CEBPG: variants seen among roughly 807,000 people sequenced by gnomAD.
CEBPG encodes CCAAT/enhancer-binding protein gamma.
In CEBPG, 6 loss-of-function variants were observed where a neutral mutation model predicts 11.1. The observed-to-expected ratio is 0.54, with a 90% confidence interval of 0.30 to 1.07. The LOEUF (loss-of-function observed/expected upper bound fraction) is 1.07. Among genes scored for constraint, CEBPG ranks in the 50% least tolerant of loss-of-function variants. CEBPG has a pLI of 0.07. For missense variants in CEBPG, 161 were observed against 187.4 expected (o/e 0.86, Z 0.82); for synonymous variants, 66 against 71.0 (o/e 0.93, Z 0.36).
In CEBPG at chr19:33,379,316, G is replaced by A; in HGVS notation, c.77G>A (p.Ser26Asn). 6.2e-7 allele frequency: 1 copy of A among 1,611,854 alleles called. No homozygotes were observed. The highest frequency in any genetic ancestry group is 1.7e-4 in the Middle Eastern group (1 of 6,040). Residue 26 changes from serine to asparagine, a missense_variant, in exon 2 of 2, where the codon AGC becomes AAC. Ser to Asn is a conservative substitution (Grantham distance 46). Coordinates refer to ENST00000284000, the MANE Select transcript of CEBPG (RefSeq NM_001806.4). ...GTTATCCATACCCAGGCACATGCCA[G>A]CGGCTTACAGCAGGTTCCTCAGCTG... ...ISVIHTQAHASGLQQVPQLVP... is the reference protein window; with the variant it reads ...ISVIHTQAHANGLQQVPQLVP...
At chr19:33,374,086 G>A (rs1042263159) in intron 1 of CEBPG, among the ~76,000 whole-genome samples, 191 bp downstream of exon 1, 1 of 150,058 alleles carries the variant, frequency 6.7e-6, no homozygotes, top group Non-Finnish European at 1.5e-5. Context: ...CAACCTGCCG[G>A]CAACACCCGG....
Position 33,379,710 on chromosome 19 carries a change from C to CT in CEBPG, c.*21dup, listed in dbSNP as rs764944594. On this transcript the variant is annotated 3_prime_UTR_variant, in exon 2 of 2. Transcript: ENST00000284000. The stretch of plus-strand genomic sequence containing the variant: ...GACAGTAGACCTCACCCTTTCCAGA[C>CT]TTTAGAGCTTGTGGCTTGAATGTTA... The CT allele has an allele frequency of 1.7e-5, 27 of 1,582,326 alleles. No individual in the cohort carries two copies. In the African/African-American group the frequency reaches 3.4e-4, roughly 20 times the overall value.
At chr19:33,376,573 C>T (rs891992820) in intron 1 of CEBPG, among the ~76,000 whole-genome samples, 2 of 152,170 alleles carry the variant, frequency 1.3e-5, no homozygotes, top group African/African-American at 4.8e-5. Flanking sequence ...CTAAAGAGTT[C>T]CTGGATGATG....
At chr19:33,377,468 G>C (rs1256502011) in intron 1 of CEBPG, among the ~76,000 whole-genome samples, 1 of 152,120 alleles carries the variant, frequency 6.6e-6, no homozygotes, top group Non-Finnish European at 1.5e-5. Context: ...GAAATAAGGT[G>C]AACATGATTA....
rs1189600224 is a variant in CEBPG at position 33,380,777 on chromosome 19, T to C, written c.*1085T>C. 6.0e-6 allele frequency: 1 copy of C among 166,876 alleles called. No individual in the cohort carries two copies. The highest frequency in any genetic ancestry group is 1.5e-5 in the Non-Finnish European group (1 of 68,122). 10.3% of individuals were successfully genotyped at this position (166,876 alleles called of 1,614,324 possible). A position where few individuals can be genotyped will look rare whatever the true frequency, so the allele number is the denominator to read the frequency against. On this transcript the variant is annotated 3_prime_UTR_variant, in exon 2 of 2. Coordinates refer to ENST00000284000, the MANE Select transcript of CEBPG (RefSeq NM_001806.4). The stretch of plus-strand genomic sequence containing the variant: ...ATAATTGTCTAAGAAAACTTGAAAG[T>C]GTAAGGTTTTAACCTTTAATTTATT...
Position 33,381,159 on chromosome 19 carries a change from T to A in CEBPG, c.*1467T>A, listed in dbSNP as rs1402716837. 6.0e-6 allele frequency: 1 copy of A among 167,120 alleles called. No individual in the cohort carries two copies. Among genetic ancestry groups the A allele is most frequent in the South Asian group, 2.1e-4 (1 of 4,830 alleles). 10.4% of individuals were successfully genotyped at this position (167,120 alleles called of 1,614,324 possible). On this transcript the variant is annotated 3_prime_UTR_variant, in exon 2 of 2. Coordinates refer to ENST00000284000, the MANE Select transcript of CEBPG (RefSeq NM_001806.4). ...TGTGCCTGGGCTGGAGATGAGAGAC[T>A]GAGTCATAACTGATTTAAAAGTTTG...
chr19:33,378,945 C>T lies in CEBPG; in HGVS notation c.-96-199C>T, dbSNP rs139233095. On this transcript the variant is annotated intron_variant, in intron 1 of 1. Transcript: ENST00000284000. ...TCAGGGATCCAGGTGGGCTGAGTTT[C>T]GCCTGATGGTGCTTCTGTGCTTACT... is the stretch of plus-strand genomic sequence containing the variant. Among the ~76,000 whole-genome samples, 514 of 152,286 alleles carry T rather than the reference C, an allele frequency of 3.4e-3. 3 individuals carry two copies. Among genetic ancestry groups the T allele is most frequent in the African/African-American group, 0.012 (485 of 41,538 alleles).
At chr19:33,374,854 T>G (rs1967893313) in intron 1 of CEBPG, among the ~76,000 whole-genome samples, 2 of 152,228 alleles carry the variant, frequency 1.3e-5, no homozygotes, top group African/African-American at 2.4e-5. Flanking sequence ...AGGTTGTCAC[T>G]TAAGGCAGAC....
At position 33,382,362 on chromosome 19, in the gene CEBPG, A is replaced by T. The variant is rs1442649110; in HGVS notation, c.*2670A>T. ...TTACATAAAAAGTAGAAGTATAGACAGTTTAACATTTGGTATTAAAGGAGA... is the reference window on the plus strand; with the variant it reads ...TTACATAAAAAGTAGAAGTATAGACTGTTTAACATTTGGTATTAAAGGAGA... On this transcript the variant is annotated 3_prime_UTR_variant, in exon 2 of 2. Transcript: ENST00000284000. The T allele has an allele frequency of 6.0e-6, 1 of 167,156 alleles. No homozygotes were observed. Among genetic ancestry groups the T allele is most frequent in the South Asian group, 2.1e-4 (1 of 4,834 alleles). 10.4% of individuals were successfully genotyped at this position (167,156 alleles called of 1,614,324 possible). A position where few individuals can be genotyped will look rare whatever the true frequency, so the allele number is the denominator to read the frequency against.
chr19:33,379,640 A>T lies in CEBPG; in HGVS notation c.401A>T (p.Gln134Leu). 6.2e-7 allele frequency: 1 copy of T among 1,614,142 alleles called. No homozygotes were observed. Among genetic ancestry groups the T allele is most frequent in the South Asian group, 1.1e-5 (1 of 91,074 alleles). The change falls in exon 2 of 2, where the codon CAG becomes CTG. Residue 134 changes from glutamine (Q) to leucine (L), a missense_variant. By Grantham distance (113) the Gln-to-Leu change is moderately radical. Transcript: ENST00000284000. The stretch of plus-strand genomic sequence containing the variant: ...GCACACAACCTTGCAGACAACGTAC[A>T]GTCCATTAGCACTGAAAATACGACA... ...EHAHNLADNV[Q>L]SISTENTTAD...
At chr19:33,377,359 C>T (rs1218384193) in intron 1 of CEBPG, among the ~76,000 whole-genome samples, 1 of 152,188 alleles carries the variant, frequency 6.6e-6, no homozygotes, top group African/African-American at 2.4e-5. Flanking sequence ...TCACTGGTCT[C>T]TACCGCTTTG....
rs1037702201 is a variant in CEBPG, at chr19:33,380,624, T to G, written c.*932T>G. 1.8e-5 allele frequency: 3 copies of G among 167,018 alleles called. No individual in the cohort carries two copies. The highest frequency in any genetic ancestry group is 7.2e-5 in the African/African-American group (3 of 41,452). 10.3% of individuals were successfully genotyped at this position (167,018 alleles called of 1,614,324 possible). ...TTAATTCAGAAGGTAGTTTCTCTTG[T>G]GTTCAAAATAGCTGCCATGGGGCTG... On this transcript the variant is annotated 3_prime_UTR_variant, in exon 2 of 2. Transcript: ENST00000284000.
chr19:33,378,016 G>T (rs569890791), intron 1 of CEBPG, among the ~76,000 whole-genome samples: 1 of 152,166 alleles, frequency 6.6e-6, no homozygotes, highest in African/African-American at 2.4e-5. Flanking sequence ...AAGAGAACAG[G>T]ATAGTTTTAT....
chr19:33,377,583 C>G (rs561708376), intron 1 of CEBPG, among the ~76,000 whole-genome samples: 1 of 152,162 alleles, frequency 6.6e-6, no homozygotes, highest in Non-Finnish European at 1.5e-5. Flanking sequence ...TTAGGTGGCA[C>G]TAAATGTGGC....
chr19:33,378,192 A>C lies in CEBPG; in HGVS notation c.-96-952A>C, dbSNP rs542383986. Among the ~76,000 whole-genome samples the C allele has an allele frequency of 8.9e-4, 135 of 152,332 alleles. 1 individual carries two copies. Among genetic ancestry groups the C allele is most frequent in the African/African-American group, 3.2e-3 (132 of 41,572 alleles). ...CTTAATTGGATTCAGAGTAATCCACATGTGACTGCTTTTCGAAACCGTGCC... is the reference window on the plus strand; with the variant it reads ...CTTAATTGGATTCAGAGTAATCCACCTGTGACTGCTTTTCGAAACCGTGCC... On this transcript the variant is annotated intron_variant, in intron 1 of 1. Transcript: ENST00000284000.
chr19:33,379,795 CAA>C lies in CEBPG; in HGVS notation c.*105_*106del. ...CTGAAAGTTGTCCATTTCCATGACTCAAAGACCCATTGGAGGCTATTTTCTGG... is the reference window on the plus strand; with the variant it reads ...CTGAAAGTTGTCCATTTCCATGACTCAGACCCATTGGAGGCTATTTTCTGG... On this transcript the variant is annotated 3_prime_UTR_variant, in exon 2 of 2. Coordinates refer to ENST00000284000, the MANE Select transcript of CEBPG (RefSeq NM_001806.4). 1 of 1,086,930 alleles carries C rather than the reference CAA, an allele frequency of 9.2e-7. No homozygotes were observed. Among genetic ancestry groups the C allele is most frequent in the Non-Finnish European group, 1.3e-6 (1 of 763,434 alleles). The allele number at this position is 1,086,930 out of a possible 1,614,324, so 67.3% of individuals were successfully genotyped here. A position where few individuals can be genotyped will look rare whatever the true frequency, so the allele number is the denominator to read the frequency against.
chr19:33,377,443 TAAAA>T (rs200821829), intron 1 of CEBPG, among the ~76,000 whole-genome samples: 1 of 151,056 alleles, frequency 6.6e-6, no homozygotes, highest in Admixed American at 6.6e-5. Context: ...ATTGGTATAT[TAAAA>T]AAAAAGTAGA....
At chr19:33,375,083 G>A (rs1003987151) in intron 1 of CEBPG, among the ~76,000 whole-genome samples, 3 of 152,190 alleles carry the variant, frequency 2.0e-5, no homozygotes, top group African/African-American at 4.8e-5. Context: ...GTACAAGGGA[G>A]CTGAAGCATA....
Position 33,381,632 on chromosome 19 carries a change from C to T in CEBPG, c.*1940C>T, listed in dbSNP as rs1364733964. The T allele has an allele frequency of 1.2e-5, 2 of 167,086 alleles. No homozygotes were observed. Among genetic ancestry groups the T allele is most frequent in the Non-Finnish European group, 2.9e-5 (2 of 68,124 alleles). The allele number at this position is 167,086 out of a possible 1,614,324, so 10.4% of individuals were successfully genotyped here. On this transcript the variant is annotated 3_prime_UTR_variant, in exon 2 of 2. Transcript: ENST00000284000. ...ACTTAATTGGAGATGCATTAGGTCA[C>T]TTGAATGTATAAGCAAGCACCTATG...
Sources: gnomAD v4.1 joint callset for allele counts (sites outside exome capture counted in the v4.1 genomes callset) on GRCh38, gnomAD v4.1.1 for gene constraint, MANE v1.5 for transcripts, NCBI Gene and HGNC (gene_info 2026-07-23, HGNC 2026-07-21) for gene names.